DEUP1: variants seen among roughly 807,000 people sequenced by gnomAD.
DEUP1 encodes the protein deuterosome assembly protein 1.
In DEUP1, 82 loss-of-function variants were observed where a neutral mutation model predicts 87.4. The observed-to-expected ratio is 0.94, with a 90% CI of 0.78 to 1.13. DEUP1 has a LOEUF of 1.13. Among genes scored for constraint, DEUP1 ranks in the 50% most tolerant of loss-of-function variants. The pLI is 0.00. For missense variants in DEUP1, 663 were observed against 681.5 expected (o/e 0.97, Z 0.30); for synonymous variants, 214 against 222.7 (o/e 0.96, Z 0.35).
intron 2 of DEUP1, among the ~76,000 whole-genome samples, chr11:93,332,724 G>A (rs558946325): frequency 6.6e-6 from 1 of 152,094 alleles, no homozygotes; most frequent in Non-Finnish European, 1.5e-5. Flanking sequence ...ACATCATCAA[G>A]AACTAGATAT....
chr11:93,352,553 C>G, intron 2 of DEUP1: 1 of 611,480 alleles, frequency 1.6e-6, no homozygotes, highest in East Asian at 2.8e-5. Context: ...TGTCTAAAGA[C>G]TTACAGTATC....
chr11:93,342,371 C>T (rs1944125458), intron 2 of DEUP1, among the ~76,000 whole-genome samples: 1 of 152,150 alleles, frequency 6.6e-6, no homozygotes, highest in African/African-American at 2.4e-5. Flanking sequence ...CAAAGTTGCT[C>T]CTGGGAGGGT....
chr11:93,371,350 G>A, intron 7 of DEUP1, 70 bp downstream of exon 7: 1 of 1,403,976 alleles, frequency 7.1e-7, no homozygotes, highest in African/African-American at 1.4e-5. Context: ...ATAGAGATTA[G>A]AATGATTAGA....
At chr11:93,385,310 C>A in intron 7 of DEUP1, 88 bp from the exon 8 acceptor site, 2 of 1,204,970 alleles carry the variant, frequency 1.7e-6, no homozygotes, top group Non-Finnish European at 2.4e-6. Flanking sequence ...TAAAATTAGG[C>A]TGGTTTATAG....
Position 93,356,961 on chromosome 11 carries a change from G to T in DEUP1, c.215G>T (p.Arg72Leu), listed in dbSNP as rs201772678. The change falls in exon 4 of 14, where the codon CGA becomes CTA. Residue 72 changes from arginine to leucine, a missense_variant. Physicochemically the swap from Arg to Leu is moderately radical, Grantham distance 102. Transcript: ENST00000298050. ...TTCTTCATGCAGGTAGGGTTACTTC[G>T]ACAGAAATTGGACAGTCTGGAAAAA... ...DQKGQEVGLL[R>L]QKLDSLEKCN... The T allele has an allele frequency of 1.9e-6, 3 of 1,595,448 alleles. No individual in the cohort carries two copies. The highest frequency in any genetic ancestry group is 2.2e-5 in the East Asian group (1 of 44,472).
rs565220539 is a variant in DEUP1 at position 93,435,762 on chromosome 11, C to A, written c.1639-1781C>A. Among the ~76,000 whole-genome samples the A allele has an allele frequency of 7.2e-5, 11 of 152,010 alleles. 1 individual carries two copies. The highest frequency in any genetic ancestry group is 5.9e-5 in the Non-Finnish European group (4 of 67,994). The stretch of plus-strand genomic sequence containing the variant: ...CTGTAATCCCAGCACTTTGGGAGGC[C>A]GAGGAGGGCAGATCACGAGGTCAGG... On this transcript the variant is annotated intron_variant, in intron 13 of 13. Coordinates refer to ENST00000298050, the MANE Select transcript of DEUP1 (RefSeq NM_181645.4).
At chr11:93,348,267 C>G (rs1944457290) in intron 2 of DEUP1, among the ~76,000 whole-genome samples, 1 of 151,576 alleles carries the variant, frequency 6.6e-6, no homozygotes, top group Non-Finnish European at 1.5e-5. Flanking sequence ...TTTTTTTATT[C>G]ATTTTTTTCA....
chr11:93,340,689 G>C (rs1257472317), intron 2 of DEUP1, among the ~76,000 whole-genome samples: 1 of 152,180 alleles, frequency 6.6e-6, no homozygotes, highest in Non-Finnish European at 1.5e-5. Context: ...AAATGGGTTT[G>C]TTTTCATGAA....
intron 10 of DEUP1, among the ~76,000 whole-genome samples, chr11:93,395,904 CA>C (rs1418632689): frequency 1.3e-5 from 2 of 152,128 alleles, no homozygotes; most frequent in Admixed American, 1.3e-4. Context: ...GACAGTTACT[CA>C]AACATGCTTT....
At chr11:93,357,086 A>T (rs978224157) in intron 4 of DEUP1, 43 bp downstream of exon 4, 6 of 1,184,690 alleles carry the variant, frequency 5.1e-6, no homozygotes, top group Non-Finnish European at 7.1e-6. Flanking sequence ...ATTTTGATAT[A>T]TTTTTTTTTA....
At chr11:93,378,366 G>A (rs920772667) in intron 7 of DEUP1, among the ~76,000 whole-genome samples, 2 of 151,938 alleles carry the variant, frequency 1.3e-5, no homozygotes, top group Non-Finnish European at 2.9e-5. Flanking sequence ...AAGCTCTGAA[G>A]TTCTTTCTTC....
chr11:93,435,865 G>A (rs990221320), intron 13 of DEUP1, among the ~76,000 whole-genome samples: 2 of 151,926 alleles, frequency 1.3e-5, no homozygotes, highest in African/African-American at 4.8e-5. Flanking sequence ...GAGTGGTGGC[G>A]GGCGCCTGTA....
intron 2 of DEUP1, among the ~76,000 whole-genome samples, chr11:93,338,355 C>T (rs1358409827): frequency 2.6e-5 from 4 of 151,916 alleles, no homozygotes; most frequent in African/African-American, 9.7e-5. Flanking sequence ...TCTTCTGTCA[C>T]ACCACAGGGA....
chr11:93,359,956 G>A (rs371395347), intron 4 of DEUP1, among the ~76,000 whole-genome samples: 8 of 151,980 alleles, frequency 5.3e-5, no homozygotes, highest in African/African-American at 1.2e-4. Flanking sequence ...TCAACCCATC[G>A]TGACATTGGA....
intron 13 of DEUP1, among the ~76,000 whole-genome samples, chr11:93,416,948 A>T (rs1052384262): frequency 6.6e-6 from 1 of 152,218 alleles, no homozygotes; most frequent in Non-Finnish European, 1.5e-5. Flanking sequence ...ATCTCAATAG[A>T]TTCAGAAAAA....
intron 9 of DEUP1, among the ~76,000 whole-genome samples, chr11:93,391,707 C>CA (rs57417014): frequency 0.023 from 1,801 of 77,678 alleles, 27 homozygotes; most frequent in Non-Finnish European, 0.033. Context: ...GACTCCATCT[C>CA]AAAAAAAAAA....
At chr11:93,436,806 A>T (rs965192295) in intron 13 of DEUP1, among the ~76,000 whole-genome samples, 1 of 152,204 alleles carries the variant, frequency 6.6e-6, no homozygotes, top group Non-Finnish European at 1.5e-5. Flanking sequence ...ACAAAAAAAA[A>T]TTACTTAATT....
chr11:93,348,611 A>T (rs191527097), intron 2 of DEUP1, among the ~76,000 whole-genome samples: 252 of 152,332 alleles, frequency 1.7e-3, no homozygotes, highest in African/African-American at 5.6e-3. Flanking sequence ...ATTCAGAAGC[A>T]GGTTATTCAG....
intron 11 of DEUP1, among the ~76,000 whole-genome samples, chr11:93,397,549 C>T (rs1946979464): frequency 6.6e-6 from 1 of 152,084 alleles, no homozygotes; most frequent in Admixed American, 6.6e-5. Flanking sequence ...TCTGGGTCGT[C>T]ACAGCCCCCA....
Sources: gnomAD v4.1 joint callset for allele counts (sites outside exome capture counted in the v4.1 genomes callset) on GRCh38, gnomAD v4.1.1 for gene constraint, MANE v1.5 for transcripts, NCBI Gene and HGNC (gene_info 2026-07-23, HGNC 2026-07-21) for gene names.